The following DERA variants were observed in gnomAD, a reference collection of about 807,000 sequenced individuals.
DERA encodes the protein 2-deoxy-D-ribose 5-phosphate aldolase.
DERA carries 15 observed loss-of-function variants against 41.1 expected under a neutral mutation model. The observed-to-expected ratio is 0.37, with a 90% CI of 0.24 to 0.56. The LOEUF is 0.56. DERA is among the 20% of genes least tolerant of loss of function. DERA has a pLI of 0.81. For synonymous variants in DERA, 139 were observed against 137.4 expected (o/e 1.01, Z -0.08); for missense variants, 396 against 403.4 (o/e 0.98, Z 0.16).
At chr12:15,955,694 T>C (rs569150513) in intron 1 of DERA, among the ~76,000 whole-genome samples, 1 of 152,330 alleles carries the variant, frequency 6.6e-6, no homozygotes, top group South Asian at 2.1e-4. Context: ...GCAATCTCTA[T>C]ACCTTTAATA....
rs2136152468 is a variant in DERA, at chr12:15,966,819, T to C, written c.508+3872T>C. Among the ~76,000 whole-genome samples the C allele has an allele frequency of 6.6e-6, 1 of 152,240 alleles. No homozygotes were observed. Among genetic ancestry groups the C allele is most frequent in the Middle Eastern group, 3.4e-3 (1 of 294 alleles). ...TCCCAGTGTGACTTTTCCACAACCT[T>C]GGTGTGCTTTCCTTTGGAAACGTCA... On this transcript the variant is annotated intron_variant, in intron 5 of 8. Coordinates refer to ENST00000428559, the MANE Select transcript of DERA (RefSeq NM_015954.4). The surrounding 1 kb of genome is among the most constrained non-coding windows in gnomAD (Gnocchi z 5.1).
chr12:15,972,956 T>C lies in DERA; in HGVS notation c.509-9352T>C, dbSNP rs1019156424. ...TTTGGATGCTGTTTCAAACATGCAG[T>C]CTGACCCCTTTCCCTCCTTTCCACT... On this transcript the variant is annotated intron_variant, in intron 5 of 8. Transcript: ENST00000428559. This position sits in a 1 kb window ranked among gnomAD's most constrained non-coding sequence, Gnocchi z 4.4. Among the ~76,000 whole-genome samples the C allele has an allele frequency of 3.9e-5, 6 of 152,182 alleles. No homozygotes were observed. Among genetic ancestry groups the C allele is most frequent in the African/African-American group, 1.4e-4 (6 of 41,440 alleles).
rs923930859 is a variant in DERA, at chr12:16,001,513, A to T, written c.637+19077A>T. Among the ~76,000 whole-genome samples, 2 of 152,184 alleles carry T rather than the reference A, an allele frequency of 1.3e-5. No homozygotes were observed. Among genetic ancestry groups the T allele is most frequent in the Non-Finnish European group, 2.9e-5 (2 of 68,026 alleles). ...TGCTCAGTAACAAAGAGAGAGTAAT[A>T]CAGACTTGTGGAGTCATGGTCTTAG... On this transcript the variant is annotated intron_variant, in intron 6 of 8. Coordinates refer to ENST00000428559, the MANE Select transcript of DERA (RefSeq NM_015954.4). This position sits in a 1 kb window ranked among gnomAD's most constrained non-coding sequence, Gnocchi z 4.1.
At chr12:16,015,360 C>T (rs1250417470) in intron 6 of DERA, among the ~76,000 whole-genome samples, 1 of 152,124 alleles carries the variant, frequency 6.6e-6, no homozygotes, top group African/African-American at 2.4e-5. Flanking sequence ...GTGGTTTCAC[C>T]TATGCTGTTC....
In DERA at chr12:15,959,524, T is replaced by G. The variant is rs1380155925; in HGVS notation, c.278-305T>G. 6.6e-6 allele frequency among the ~76,000 whole-genome samples: 1 copy of G among 152,214 alleles called. No individual in the cohort carries two copies. Among genetic ancestry groups the G allele is most frequent in the Admixed American group, 6.5e-5 (1 of 15,286 alleles). ...GGATTTTGTTATCTACATGAAATATTTGCATTTAGTAATGATCACCAAATT... is the reference window on the plus strand; with the variant it reads ...GGATTTTGTTATCTACATGAAATATGTGCATTTAGTAATGATCACCAAATT... On this transcript the variant is annotated intron_variant, in intron 3 of 8. Transcript: ENST00000428559. The surrounding 1 kb of genome is among the most constrained non-coding windows in gnomAD (Gnocchi z 4.5).
At chr12:15,949,251 C>T (rs1429505243) in intron 1 of DERA, among the ~76,000 whole-genome samples, 1 of 152,194 alleles carries the variant, frequency 6.6e-6, no homozygotes, top group Non-Finnish European at 1.5e-5. Context: ...TTTAAGTCTG[C>T]AGAGGTTTCT....
At chr12:15,919,271 T>C (rs1948224128) in intron 1 of DERA, among the ~76,000 whole-genome samples, 1 of 152,178 alleles carries the variant, frequency 6.6e-6, no homozygotes, top group Non-Finnish European at 1.5e-5. Context: ...TTTTTTTTTT[T>C]TAAAAAGCAT....
At chr12:15,952,318 T>C (rs1318092220) in intron 1 of DERA, among the ~76,000 whole-genome samples, 1 of 152,264 alleles carries the variant, frequency 6.6e-6, no homozygotes. Context: ...TACGTTTTCA[T>C]GTTTGCATTT....
Position 15,976,248 on chromosome 12 carries a change from T to C in DERA, c.509-6060T>C, listed in dbSNP as rs1948696281. On this transcript the variant is annotated intron_variant, in intron 5 of 8. Transcript: ENST00000428559. The surrounding 1 kb of genome is among the most constrained non-coding windows in gnomAD (Gnocchi z 4.1). ...TCAGTATATTCATCTTTTTTATCAA[T>C]ATTTGCCTTTTTATCAATTGCTTTG... 6.6e-6 allele frequency among the ~76,000 whole-genome samples: 1 copy of C among 152,172 alleles called. No individual in the cohort carries two copies. The highest frequency in any genetic ancestry group is 1.5e-5 in the Non-Finnish European group (1 of 68,026).
rs145891477 is a variant in DERA at position 15,921,072 on chromosome 12, T to G, written c.31+9658T>G. On this transcript the variant is annotated intron_variant, in intron 1 of 8. Transcript: ENST00000428559. The surrounding 1 kb of genome is among the most constrained non-coding windows in gnomAD (Gnocchi z 5.3). Reference sequence around the variant, plus strand: ...TTACCTTAATCTTATTATCTTTATATATCATATATTTTACACTGATAAGCA... The same window carrying G: ...TTACCTTAATCTTATTATCTTTATAGATCATATATTTTACACTGATAAGCA... Among the ~76,000 whole-genome samples, 2 of 152,352 alleles carry G rather than the reference T, an allele frequency of 1.3e-5. No homozygotes were observed. Among genetic ancestry groups the G allele is most frequent in the Non-Finnish European group, 2.9e-5 (2 of 68,036 alleles).
At position 16,003,753 on chromosome 12, in the gene DERA, G is replaced by A. The variant is rs1948891680; in HGVS notation, c.637+21317G>A. On this transcript the variant is annotated intron_variant, in intron 6 of 8. Transcript: ENST00000428559. This position sits in a 1 kb window ranked among gnomAD's most constrained non-coding sequence, Gnocchi z 4.8. ...ATTCCTCCTTAGTTGTGCCTGAGAA[G>A]CTCCCAGCTTCCATAACTCCTCACT... Among the ~76,000 whole-genome samples the A allele has an allele frequency of 6.6e-6, 1 of 152,158 alleles. No homozygotes were observed. The highest frequency in any genetic ancestry group is 1.5e-5 in the Non-Finnish European group (1 of 68,030).
chr12:15,984,890 T>C lies in DERA; in HGVS notation c.637+2454T>C, dbSNP rs1402192126. Among the ~76,000 whole-genome samples, 2 of 152,232 alleles carry C rather than the reference T, an allele frequency of 1.3e-5. No homozygotes were observed. Among genetic ancestry groups the C allele is most frequent in the African/African-American group, 4.8e-5 (2 of 41,468 alleles). On this transcript the variant is annotated intron_variant, in intron 6 of 8. Transcript: ENST00000428559. This position sits in a 1 kb window ranked among gnomAD's most constrained non-coding sequence, Gnocchi z 4.5. ...TTCTTGTCCCAATTTTATATGTAAC[T>C]TGCACAAACTAATCTCCCCAAAAGT...
Position 15,931,650 on chromosome 12 carries a change from A to G in DERA, c.31+20236A>G, listed in dbSNP as rs1948328891. 6.6e-6 allele frequency among the ~76,000 whole-genome samples: 1 copy of G among 152,186 alleles called. No homozygotes were observed. Among genetic ancestry groups the G allele is most frequent in the Non-Finnish European group, 1.5e-5 (1 of 68,030 alleles). ...GGTTTGGATGTGGTTTGTCTACACT[A>G]AAGCTGATGTTCAAATTTGATCCTC... On this transcript the variant is annotated intron_variant, in intron 1 of 8. Transcript: ENST00000428559. This position sits in a 1 kb window ranked among gnomAD's most constrained non-coding sequence, Gnocchi z 4.6.
intron 6 of DERA, among the ~76,000 whole-genome samples, chr12:16,027,057 A>G (rs1949058163): frequency 6.6e-6 from 1 of 152,314 alleles, no homozygotes; most frequent in Middle Eastern, 3.4e-3. Context: ...GATTATATCA[A>G]TTGATACTGA....
At position 15,982,237 on chromosome 12, in the gene DERA, G is replaced by A. The variant is rs1948737028; in HGVS notation, c.509-71G>A. On this transcript the variant is annotated intron_variant, in intron 5 of 8. Transcript: ENST00000428559. This position sits in a 1 kb window ranked among gnomAD's most constrained non-coding sequence, Gnocchi z 4.0. ...CCTAAATGTGAAATGGGTTCCACCA[G>A]CTCTAAACGGCTGCCAAGTTATGTT... The A allele has an allele frequency of 6.7e-7, 1 of 1,487,476 alleles. No individual in the cohort carries two copies. The highest frequency in any genetic ancestry group is 2.1e-5 in the Admixed American group (1 of 46,558). 92.1% of individuals were successfully genotyped at this position (1,487,476 alleles called of 1,614,324 possible). A position where few individuals can be genotyped will look rare whatever the true frequency, so the allele number is the denominator to read the frequency against.
chr12:15,977,299 G>A (rs4764239), intron 5 of DERA, among the ~76,000 whole-genome samples: 51,621 of 151,900 alleles, frequency 0.34, 9,313 homozygotes, highest in East Asian at 0.7. Flanking sequence ...GAGTGTACAC[G>A]TGCATGCATG....
In DERA at chr12:15,993,495, T is replaced by TAA. The variant is rs796777302; in HGVS notation, c.637+11066_637+11067dup. ...GTGTTGTGGCCTTTTTTTTTTTTTT[T>TAA]AAAAAAAATAAGATCTTGCCTTTCA... is the stretch of plus-strand genomic sequence containing the variant. On this transcript the variant is annotated intron_variant, in intron 6 of 8. Transcript: ENST00000428559. This position sits in a 1 kb window ranked among gnomAD's most constrained non-coding sequence, Gnocchi z 4.4. Among the ~76,000 whole-genome samples the TAA allele has an allele frequency of 2.7e-5, 4 of 149,308 alleles. No homozygotes were observed. Among genetic ancestry groups the TAA allele is most frequent in the African/African-American group, 9.9e-5 (4 of 40,442 alleles).
intron 1 of DERA, among the ~76,000 whole-genome samples, chr12:15,923,382 T>C (rs1041759169): frequency 2.6e-5 from 4 of 152,220 alleles, no homozygotes; most frequent in Non-Finnish European, 5.9e-5. Flanking sequence ...CTGAACTTCA[T>C]TGAGTCTTCT....
At chr12:16,018,238 A>G (rs753161470) in intron 6 of DERA, among the ~76,000 whole-genome samples, 1 of 152,160 alleles carries the variant, frequency 6.6e-6, no homozygotes, top group Non-Finnish European at 1.5e-5. Flanking sequence ...GAGATTTTCA[A>G]AATTGAATAA....
Sources: gnomAD v4.1 joint callset for allele counts (sites outside exome capture counted in the v4.1 genomes callset) on GRCh38, gnomAD v4.1.1 for gene constraint, Gnocchi (gnomAD v3.1) non-coding constraint, MANE v1.5 for transcripts, NCBI Gene and HGNC (gene_info 2026-07-23, HGNC 2026-07-21) for gene names.